The following GRIA1 variants were observed in gnomAD, a reference collection of about 807,000 sequenced individuals.
GRIA1 encodes the protein glutamate receptor 1.
Under a neutral mutation model 99.2 loss-of-function variants are expected in GRIA1, and 31 were observed. The ratio of observed to expected loss-of-function variants is 0.31; its 90% CI spans 0.23 to 0.42. The LOEUF (loss-of-function observed/expected upper bound fraction) is 0.42, where lower values mean the gene tolerates loss of function less well. GRIA1 is among the 10% of genes least tolerant of loss of function. The probability of loss-of-function intolerance (pLI) is 1.00; values close to 1 mark genes in which losing one functional copy is unlikely to be tolerated. For missense variants in GRIA1, 782 were observed against 1,157.5 expected (o/e 0.68, Z 4.71); for synonymous variants, 438 against 432.4 (o/e 1.01, Z -0.16).
chr5:153,609,788 C>T (rs1765813560), intron 2 of GRIA1, among the ~76,000 whole-genome samples: 1 of 151,960 alleles, frequency 6.6e-6, no homozygotes, highest in Admixed American at 6.6e-5. Context: ...GTCTCGATCT[C>T]CTGACCTTGT....
intron 2 of GRIA1, among the ~76,000 whole-genome samples, chr5:153,573,004 A>C (rs1156325494): frequency 3.9e-5 from 6 of 152,180 alleles, no homozygotes; most frequent in Non-Finnish European, 7.3e-5. Context: ...TAAACAAATA[A>C]GCATCAGCAG....
At chr5:153,573,085 A>T (rs1297122950) in intron 2 of GRIA1, 1 of 152,178 alleles carries the variant, frequency 6.6e-6, no homozygotes, top group Non-Finnish European at 1.5e-5. Flanking sequence ...GAGTCCTAAG[A>T]GGTCTGAAGC....
At chr5:153,494,300 C>G in intron 2 of GRIA1, 1 of 514,106 alleles carries the variant, frequency 1.9e-6, no homozygotes, top group Non-Finnish European at 3.5e-6. Flanking sequence ...AACTTTAATG[C>G]CAGCACGATG....
chr5:153,519,466 G>GTT (rs1394405609), intron 2 of GRIA1, among the ~76,000 whole-genome samples: 1 of 151,662 alleles, frequency 6.6e-6, no homozygotes, highest in Non-Finnish European at 1.5e-5. Context: ...AGAGTCTGAA[G>GTT]TTTTTCTGTA....
At chr5:153,783,865 G>A (rs1764797786) in intron 13 of GRIA1, among the ~76,000 whole-genome samples, 1 of 152,204 alleles carries the variant, frequency 6.6e-6, no homozygotes. Context: ...GGGACCAGAA[G>A]GCTCAGTCCA....
At chr5:153,697,905 C>T in intron 8 of GRIA1, 139 bp from the exon 9 acceptor site, 2 of 500,034 alleles carry the variant, frequency 4.0e-6, no homozygotes, top group Non-Finnish European at 7.3e-6. Flanking sequence ...TTCTGTTTAC[C>T]AATATTTTAG....
At chr5:153,578,949 A>T (rs1371902863) in intron 2 of GRIA1, among the ~76,000 whole-genome samples, 1 of 152,136 alleles carries the variant, frequency 6.6e-6, no homozygotes, top group Non-Finnish European at 1.5e-5. Flanking sequence ...TCGCCCAGTC[A>T]CTGAACTTCT....
intron 5 of GRIA1, among the ~76,000 whole-genome samples, chr5:153,666,711 T>A (rs1755769706): frequency 6.6e-6 from 1 of 152,254 alleles, no homozygotes; most frequent in African/African-American, 2.4e-5. Flanking sequence ...GTACCCACTT[T>A]ACAGGATTGC....
intron 10 of GRIA1, among the ~76,000 whole-genome samples, chr5:153,705,372 C>T (rs1470508075): frequency 6.6e-6 from 1 of 152,134 alleles, no homozygotes; most frequent in Non-Finnish European, 1.5e-5. Context: ...GAATGGTTCT[C>T]CTGCCAGAGG....
intron 2 of GRIA1, among the ~76,000 whole-genome samples, chr5:153,494,867 A>G (rs1165887652): frequency 6.6e-6 from 1 of 152,182 alleles, no homozygotes; most frequent in Non-Finnish European, 1.5e-5. Flanking sequence ...GTAAAAATTT[A>G]TGGCAGGGAA....
chr5:153,571,907 C>A (rs1048488889), intron 2 of GRIA1, among the ~76,000 whole-genome samples: 1 of 152,094 alleles, frequency 6.6e-6, no homozygotes, highest in Admixed American at 6.6e-5. Flanking sequence ...CCTTCATTTT[C>A]CCTTGCTTTT....
At chr5:153,692,421 G>C (rs1282695476) in intron 8 of GRIA1, among the ~76,000 whole-genome samples, 1 of 152,166 alleles carries the variant, frequency 6.6e-6, no homozygotes, top group South Asian at 2.1e-4. Context: ...TTAAATGGTT[G>C]TAATAAATCA....
chr5:153,791,410 G>T (rs1765298604), intron 13 of GRIA1, among the ~76,000 whole-genome samples: 1 of 151,944 alleles, frequency 6.6e-6, no homozygotes, highest in Non-Finnish European at 1.5e-5. Flanking sequence ...TTCTGCTTGG[G>T]CTTAGAAAAT....
chr5:153,686,350 T>A, intron 8 of GRIA1, 21 bp downstream of exon 8: 1 of 1,571,398 alleles, frequency 6.4e-7, no homozygotes, highest in Non-Finnish European at 8.8e-7. Flanking sequence ...CCTTTACTTC[T>A]GTTCTGCAGA....
At chr5:153,767,285 A>G (rs1328998321) in intron 12 of GRIA1, among the ~76,000 whole-genome samples, 1 of 152,196 alleles carries the variant, frequency 6.6e-6, no homozygotes, top group African/African-American at 2.4e-5. Context: ...TACTATTTTC[A>G]GAAGAGGAAC....
intron 11 of GRIA1, among the ~76,000 whole-genome samples, chr5:153,739,829 C>T (rs1761653768): frequency 6.6e-6 from 1 of 152,132 alleles, no homozygotes; most frequent in Non-Finnish European, 1.5e-5. Flanking sequence ...TTTAATCTGC[C>T]ATAGCTTTAA....
intron 13 of GRIA1, among the ~76,000 whole-genome samples, chr5:153,770,885 G>A (rs1763841942): frequency 6.6e-6 from 1 of 152,150 alleles, no homozygotes; most frequent in Admixed American, 6.5e-5. Flanking sequence ...TGAGACTCTG[G>A]CTGTGGAAAT....
chr5:153,522,812 T>C (rs964839275), intron 2 of GRIA1, among the ~76,000 whole-genome samples: 4 of 152,206 alleles, frequency 2.6e-5, no homozygotes, highest in African/African-American at 9.6e-5. Context: ...ACCATGTAAC[T>C]GCAAAATTGG....
intron 14 of GRIA1, chr5:153,795,677 G>C (rs999836558): frequency 9.7e-6 from 7 of 720,982 alleles, no homozygotes; most frequent in Non-Finnish European, 1.6e-5. Flanking sequence ...GAGAGGCTTG[G>C]AGGCCTTAGA....
Sources: allele counts gnomAD v4.1 joint callset (sites outside exome capture counted in the v4.1 genomes callset), GRCh38; gene constraint gnomAD v4.1.1; transcripts MANE v1.5; gene names NCBI Gene and HGNC (gene_info 2026-07-23, HGNC 2026-07-21).